RASGRP2: variants seen among roughly 807,000 people sequenced by gnomAD.
RASGRP2 encodes the protein RAS guanyl-releasing protein 2.
In RASGRP2, 44 loss-of-function variants were observed where a neutral mutation model predicts 71.0. The observed-to-expected ratio is 0.62, with a 90% CI of 0.49 to 0.80. The LOEUF (loss-of-function observed/expected upper bound fraction) is 0.80, where lower values mean the gene tolerates loss of function less well. Among genes scored for constraint, RASGRP2 ranks in the 30% least tolerant of loss-of-function variants. The pLI is 0.00. For missense variants in RASGRP2, 663 were observed against 813.4 expected (o/e 0.82, Z 2.25); for synonymous variants, 350 against 330.7 (o/e 1.06, Z -0.63).
Position 64,735,964 on chromosome 11 carries a change from T to G in RASGRP2, c.1112A>C (p.Tyr371Ser), listed in dbSNP as rs2057924203. 1.2e-6 allele frequency: 2 copies of G among 1,613,838 alleles called. No homozygotes were observed. The highest frequency in any genetic ancestry group is 1.7e-6 in the Non-Finnish European group (2 of 1,179,962). Reference sequence around the variant, plus strand: ...CTGGTACAGCTCATCCTCCGTCTGATACTGATCCAGAGACACCTGGGACAC... The same window carrying G: ...CTGGTACAGCTCATCCTCCGTCTGAGACTGATCCAGAGACACCTGGGACAC... ...LSLLTVSLDQYQTEDELYQLS... is the reference protein window; with the variant it reads ...LSLLTVSLDQSQTEDELYQLS... The change falls in exon 10 of 17, where the codon TAT (tyrosine) becomes TCT (serine). Residue 371 changes from tyrosine to serine, a missense_variant. Transcript: ENST00000394432. The surrounding 1 kb of genome is among the most constrained non-coding windows in gnomAD (Gnocchi z 4.2).
Position 64,735,209 on chromosome 11 carries a change from C to CA in RASGRP2, c.1314dup (p.Asp439Ter). The CA allele has an allele frequency of 6.2e-7, 1 of 1,614,188 alleles. No individual in the cohort carries two copies. The highest frequency in any genetic ancestry group is 1.1e-5 in the South Asian group (1 of 91,080). The stretch of plus-strand genomic sequence containing the variant: ...GAGATGTGGCCATCCCCATCGACGT[C>CA]AAAGTTCCGGAACACAGACTGGGGC... On this transcript the variant is annotated frameshift_variant, in exon 12 of 17. Transcript: ENST00000394432. LOFTEE classifies it high-confidence loss of function. The surrounding 1 kb of genome is among the most constrained non-coding windows in gnomAD (Gnocchi z 4.2).
At position 64,729,045 on chromosome 11, in the gene RASGRP2, G is replaced by T. The variant is rs75902820; in HGVS notation, c.1592-3C>A. ...CTTGTGGCAGTTCACTCCACAGGCT[G>T]GGGGAGAGCAAATGGAGAGCCAGCC... On this transcript the variant is annotated splice_region_variant and splice_polypyrimidine_tract_variant and intron_variant, in intron 14 of 16. Coordinates refer to ENST00000394432, the MANE Select transcript of RASGRP2 (RefSeq NM_001098671.2). The T allele has an allele frequency of 4.1e-3, 6,508 of 1,591,750 alleles. 161 individuals are homozygous for T. In the African/African-American group the frequency reaches 0.061, roughly 15 times the overall value.
chr11:64,742,148 G>C lies in RASGRP2; in HGVS notation c.74-36C>G. ...AGGGTCAAAGACAGGTGGCTGAGCT[G>C]GGTCCGCAGCTACCATGCCTCATCC... On this transcript the variant is annotated intron_variant, in intron 2 of 16. Transcript: ENST00000394432. This position sits in a 1 kb window ranked among gnomAD's most constrained non-coding sequence, Gnocchi z 4.7. The C allele has an allele frequency of 6.6e-7, 1 of 1,507,246 alleles. No homozygotes were observed. Among genetic ancestry groups the C allele is most frequent in the Non-Finnish European group, 9.0e-7 (1 of 1,105,692 alleles). 93.4% of individuals were successfully genotyped at this position (1,507,246 alleles called of 1,614,324 possible).
chr11:64,737,025 C>A lies in RASGRP2; in HGVS notation c.823G>T (p.Gly275Cys). Reference protein sequence around the residue: ...VSPETIKLWEGLTELVTATGN... With the variant: ...VSPETIKLWECLTELVTATGN... Reference sequence around the variant, plus strand: ...GTCGCCGTCACTAGTTCCGTGAGACCCTCCCAGAGCTGGGGACAAAGGACA... The same window carrying A: ...GTCGCCGTCACTAGTTCCGTGAGACACTCCCAGAGCTGGGGACAAAGGACA... Residue 275 changes from glycine to cysteine, a missense_variant, in exon 9 of 17, where the codon GGT (glycine) becomes TGT (cysteine). Physicochemically the swap from Gly to Cys is radical, Grantham distance 159. Coordinates refer to ENST00000394432, the MANE Select transcript of RASGRP2 (RefSeq NM_001098671.2). The A allele has an allele frequency of 6.2e-7, 1 of 1,613,776 alleles. No individual in the cohort carries two copies. Among genetic ancestry groups the A allele is most frequent in the South Asian group, 1.1e-5 (1 of 91,064 alleles).
chr11:64,741,976 C>T (rs913328543), intron 3 of RASGRP2, 34 bp downstream of exon 3: 21 of 1,574,646 alleles, frequency 1.3e-5, no homozygotes, highest in Non-Finnish European at 1.4e-5. Flanking sequence ...TGGGCTCCGA[C>T]GGCGGGGGCC....
chr11:64,741,508 G>C lies in RASGRP2; in HGVS notation c.177-7C>G. On this transcript the variant is annotated splice_polypyrimidine_tract_variant and splice_region_variant and intron_variant, in intron 3 of 16. Transcript: ENST00000394432. ...CTTCCGGGATTGTTGGTAGGTGAAGGAGAGGGTTAAGGAGGCCGCTTAACT... is the reference window on the plus strand; with the variant it reads ...CTTCCGGGATTGTTGGTAGGTGAAGCAGAGGGTTAAGGAGGCCGCTTAACT... The C allele has an allele frequency of 6.3e-7, 1 of 1,575,860 alleles. No individual in the cohort carries two copies. Among genetic ancestry groups the C allele is most frequent in the Non-Finnish European group, 8.6e-7 (1 of 1,158,474 alleles).
Position 64,728,951 on chromosome 11 carries a change from T to C in RASGRP2, c.1683A>G (p.Ala561=). 6.2e-7 allele frequency: 1 copy of C among 1,612,402 alleles called. No individual in the cohort carries two copies. The highest frequency in any genetic ancestry group is 8.5e-7 in the Non-Finnish European group (1 of 1,179,734). The change falls in exon 15 of 17, where the codon GCA becomes GCG. Residue 561 remains alanine (A), a synonymous_variant. Transcript: ENST00000394432. ...RAQSVSLEGS[A]PSPSPMHSHH... The stretch of plus-strand genomic sequence containing the variant: ...GGCTGTGCATGGGTGAGGGTGAGGG[T>C]GCAGACCCCTCCAGGCTCACACTCT...
chr11:64,743,145 C>G lies in RASGRP2; in HGVS notation c.-71-208G>C. On this transcript the variant is annotated intron_variant, in intron 1 of 16. Coordinates refer to ENST00000394432, the MANE Select transcript of RASGRP2 (RefSeq NM_001098671.2). This position sits in a 1 kb window ranked among gnomAD's most constrained non-coding sequence, Gnocchi z 4.9. Reference sequence around the variant, plus strand: ...CCCGCAGAGAGGCTTCCGGCCCACCCTCGGAGTCGCGGGAAGGCCGAGGGG... The same window carrying G: ...CCCGCAGAGAGGCTTCCGGCCCACCGTCGGAGTCGCGGGAAGGCCGAGGGG... 1 of 650,834 alleles carries G rather than the reference C, an allele frequency of 1.5e-6. No individual in the cohort carries two copies. Among genetic ancestry groups the G allele is most frequent in the Non-Finnish European group, 2.8e-6 (1 of 355,366 alleles). The allele number at this position is 650,834 out of a possible 1,614,324, so 40.3% of individuals were successfully genotyped here.
chr11:64,744,951 C>G (rs1182382051), upstream of RASGRP2: 1 of 149,440 alleles, frequency 6.7e-6, no homozygotes, highest in African/African-American at 2.4e-5. Flanking sequence ...GCGCCACCCC[C>G]ACCGGGGGCT....
rs1211572712 is a variant in RASGRP2 at position 64,736,753 on chromosome 11, C to T, written c.1095G>A (p.Thr365=). The change falls in exon 9 of 17, where the codon ACG becomes ACA. Residue 365 remains threonine, a splice_region_variant and synonymous_variant. Coordinates refer to ENST00000394432, the MANE Select transcript of RASGRP2 (RefSeq NM_001098671.2). The stretch of plus-strand genomic sequence containing the variant: ...CACCTCCCTGCCCCCTGCTCCTCAC[C>T]GTGAGCAGGCTCAGCAGGTCGGGGT... The part of the protein sequence containing the change: ...QANPDLLSLL[T]VSLDQYQTED... 9 of 1,580,580 alleles carry T rather than the reference C, an allele frequency of 5.7e-6. No homozygotes were observed. Among genetic ancestry groups the T allele is most frequent in the East Asian group, 2.3e-5 (1 of 43,132 alleles).
intron 14 of RASGRP2, 84 bp from the exon 15 acceptor site, chr11:64,729,126 C>G: frequency 7.2e-7 from 1 of 1,389,468 alleles, no homozygotes; most frequent in South Asian, 1.2e-5. Flanking sequence ...GCCCCCCTAC[C>G]AGGAACCTTT....
Position 64,739,640 on chromosome 11 carries a change from G to A in RASGRP2, c.692C>T (p.Ala231Val), listed in dbSNP as rs1159523444. ...ALVITHFVHV[A>V]EKLLQLQNFN... ...CCGGGAGGGAGGGGCAGGCACCTCC[G>A]CCACGTGGACAAAGTGTGTGATGAC... is the stretch of plus-strand genomic sequence containing the variant. The change falls in exon 7 of 17, where the codon GCG (alanine) becomes GTG (valine). Residue 231 changes from alanine to valine, a missense_variant. By Grantham distance (64) the Ala-to-Val change is moderately conservative. Transcript: ENST00000394432. The surrounding 1 kb of genome is among the most constrained non-coding windows in gnomAD (Gnocchi z 4.2). The A allele has an allele frequency of 5.6e-6, 9 of 1,613,222 alleles. No homozygotes were observed. The highest frequency in any genetic ancestry group is 1.7e-5 in the Admixed American group (1 of 60,020).
intron 5 of RASGRP2, 136 bp from the exon 6 acceptor site, chr11:64,740,299 G>T: frequency 8.9e-7 from 1 of 1,117,994 alleles, no homozygotes. Flanking sequence ...AATGTTCCCA[G>T]TCCCAGCAAC....
chr11:64,727,443 C>T, intron 15 of RASGRP2, 83 bp from the exon 16 acceptor site: 3 of 1,287,070 alleles, frequency 2.3e-6, no homozygotes, highest in Non-Finnish European at 2.2e-6. Context: ...GGGAGGCATC[C>T]ACATCATCCC....
In RASGRP2 at chr11:64,740,271, G is replaced by A. The variant is rs896391572; in HGVS notation, c.372-108C>T. ...CTTACTGAGAACCTACATAATGCGA[G>A]GCACTGTCCTAGGCACGAATGTTCC... On this transcript the variant is annotated intron_variant, in intron 5 of 16. Coordinates refer to ENST00000394432, the MANE Select transcript of RASGRP2 (RefSeq NM_001098671.2). The A allele has an allele frequency of 4.2e-6, 6 of 1,425,374 alleles. No individual in the cohort carries two copies. The African/African-American group carries it at 7.0e-5, about 17-fold the overall frequency. 88.3% of individuals were successfully genotyped at this position (1,425,374 alleles called of 1,614,324 possible). A position where few individuals can be genotyped will look rare whatever the true frequency, so the allele number is the denominator to read the frequency against.
chr11:64,741,205 C>T, intron 4 of RASGRP2, 126 bp from the exon 5 acceptor site: 1 of 1,277,108 alleles, frequency 7.8e-7, no homozygotes, highest in Non-Finnish European at 1.1e-6. Flanking sequence ...CAGCTCTTTC[C>T]TTCGCCACTC....
chr11:64,730,084 C>G lies in RASGRP2; in HGVS notation c.1523G>C (p.Arg508Pro). Residue 508 changes from arginine to proline, a missense_variant, in exon 13 of 17, where the codon CGC becomes CCC. Arg to Pro is a moderately radical substitution (Grantham distance 103). Coordinates refer to ENST00000394432, the MANE Select transcript of RASGRP2 (RefSeq NM_001098671.2). ...VHNFQESNSLRPVACRHCKAL... is the reference protein window; with the variant it reads ...VHNFQESNSLPPVACRHCKAL... ...TTTGCAGTGGCGGCAGGCGACGGGGCGCAAGGAGTTGCTCTCCTGGAAGTT... is the reference window on the plus strand; with the variant it reads ...TTTGCAGTGGCGGCAGGCGACGGGGGGCAAGGAGTTGCTCTCCTGGAAGTT... The G allele has an allele frequency of 1.3e-6, 2 of 1,549,972 alleles. No homozygotes were observed. The highest frequency in any genetic ancestry group is 1.7e-6 in the Non-Finnish European group (2 of 1,147,306).
Position 64,742,286 on chromosome 11 carries a change from T to A in RASGRP2, c.74-174A>T, listed in dbSNP as rs536321891. On this transcript the variant is annotated intron_variant, in intron 2 of 16. Transcript: ENST00000394432. This position sits in a 1 kb window ranked among gnomAD's most constrained non-coding sequence, Gnocchi z 4.7. ...GGCAAATTAGAGAGGAAAGGTGTGG[T>A]GGGCGAGAGATAGGCACGCCCTGAG... Among the ~76,000 whole-genome samples, 4 of 152,006 alleles carry A rather than the reference T, an allele frequency of 2.6e-5. 1 individual carries two copies. Among genetic ancestry groups the A allele is most frequent in the Admixed American group, 2.6e-4 (4 of 15,286 alleles).
In RASGRP2 at chr11:64,743,182, T is replaced by TG. The variant is rs1389677286; in HGVS notation, c.-71-246dup. Reference sequence around the variant, plus strand: ...GGAAGGCCGAGGGGCTTCACGAGGATGGGGACGAACCAAGATCCCAGGACT... The same window carrying TG: ...GGAAGGCCGAGGGGCTTCACGAGGATGGGGGACGAACCAAGATCCCAGGACT... On this transcript the variant is annotated intron_variant, in intron 1 of 16. Coordinates refer to ENST00000394432, the MANE Select transcript of RASGRP2 (RefSeq NM_001098671.2). The surrounding 1 kb of genome is among the most constrained non-coding windows in gnomAD (Gnocchi z 4.9). The TG allele has an allele frequency of 1.7e-6, 1 of 576,926 alleles. No homozygotes were observed. Among genetic ancestry groups the TG allele is most frequent in the East Asian group, 3.9e-5 (1 of 25,578 alleles). 35.7% of individuals were successfully genotyped at this position (576,926 alleles called of 1,614,324 possible). A position where few individuals can be genotyped will look rare whatever the true frequency, so the allele number is the denominator to read the frequency against.
Sources: gnomAD v4.1 joint callset for allele counts (sites outside exome capture counted in the v4.1 genomes callset) on GRCh38, gnomAD v4.1.1 for gene constraint, Gnocchi (gnomAD v3.1) non-coding constraint, MANE v1.5 for transcripts, NCBI Gene and HGNC (gene_info 2026-07-23, HGNC 2026-07-21) for gene names.